The following R3HDM2 variants were observed in gnomAD, a reference collection of about 807,000 sequenced individuals.
R3HDM2 encodes R3H domain containing 2.
R3HDM2 carries 38 observed loss-of-function variants against 124.5 expected under a neutral mutation model. That is an observed-to-expected ratio of 0.31 (90% CI 0.24 to 0.40). The LOEUF is 0.40. Ranked by LOEUF, R3HDM2 falls within the 10% of genes least tolerant of loss-of-function variation. The pLI is 1.00. For synonymous variants in R3HDM2, 391 were observed against 448.0 expected (o/e 0.87, Z 1.61); for missense variants, 869 against 1,236.9 (o/e 0.70, Z 4.46).
chr12:57,308,855 A>C (rs1046504667), intron 3 of R3HDM2, among the ~76,000 whole-genome samples: 5 of 152,248 alleles, frequency 3.3e-5, no homozygotes, highest in African/African-American at 1.2e-4. Flanking sequence ...GCACATAATG[A>C]AACATTCATC....
intron 2 of R3HDM2, among the ~76,000 whole-genome samples, chr12:57,313,069 A>T (rs1294005396): frequency 1.3e-5 from 2 of 152,184 alleles, no homozygotes; most frequent in Non-Finnish European, 2.9e-5. Context: ...AAAGGCTACT[A>T]TAAAAACAGT....
chr12:57,363,584 C>T (rs2062205990), intron 2 of R3HDM2, among the ~76,000 whole-genome samples: 2 of 152,114 alleles, frequency 1.3e-5, no homozygotes, highest in Non-Finnish European at 2.9e-5. Flanking sequence ...ACTAAATGGT[C>T]CCAATGCAAC....
rs750767260 is a variant in R3HDM2 at position 57,254,180 on chromosome 12, TAGG to T, written c.*590_*592del. The T allele has an allele frequency of 2.4e-5, 11 of 455,988 alleles. No individual in the cohort carries two copies. Among genetic ancestry groups the T allele is most frequent in the South Asian group, 1.7e-4 (11 of 64,476 alleles). The allele number at this position is 455,988 out of a possible 1,614,324, so 28.2% of individuals were successfully genotyped here. On this transcript the variant is annotated 3_prime_UTR_variant, in exon 24 of 24. Coordinates refer to ENST00000402412, the MANE Select transcript of R3HDM2 (RefSeq NM_001394031.1). ...AAAAAATGAGAAATTAATTTTATGA[TAGG>T]AGAAGAGATTTAAAAAAATGATAGA...
chr12:57,381,812 G>A (rs569751117), intron 2 of R3HDM2, among the ~76,000 whole-genome samples: 2 of 151,726 alleles, frequency 1.3e-5, no homozygotes, highest in African/African-American at 4.8e-5. Flanking sequence ...TAGAGATAGA[G>A]AGAGAGAGAG....
intron 1 of R3HDM2, among the ~76,000 whole-genome samples, chr12:57,424,740 T>C (rs917996529): frequency 1.3e-5 from 2 of 152,212 alleles, no homozygotes; most frequent in Admixed American, 6.5e-5. Context: ...GCTCTCATTC[T>C]GTCACCCAGG....
intron 2 of R3HDM2, among the ~76,000 whole-genome samples, chr12:57,347,830 G>A (rs909122198): frequency 6.6e-6 from 1 of 151,770 alleles, no homozygotes; most frequent in African/African-American, 2.4e-5. Context: ...TCACAATGAA[G>A]GTAATAATAA....
chr12:57,394,065 C>T (rs2067120939), intron 2 of R3HDM2, among the ~76,000 whole-genome samples: 1 of 152,036 alleles, frequency 6.6e-6, no homozygotes, highest in East Asian at 1.9e-4. Context: ...CTTTGGGAGG[C>T]CGAGGTGGGC....
At chr12:57,292,709 TACTGCAAGCTC>T in intron 10 of R3HDM2, 42 bp from the exon 11 acceptor site, 1 of 1,309,746 alleles carries the variant, frequency 7.6e-7, no homozygotes, top group Non-Finnish European at 1.1e-6. Context: ...GTTCTCCTCG[TACTGCAAGCTC>T]ACTGCACACC....
At chr12:57,337,225 C>T (rs982058690) in intron 2 of R3HDM2, among the ~76,000 whole-genome samples, 4 of 152,062 alleles carry the variant, frequency 2.6e-5, no homozygotes, top group Non-Finnish European at 5.9e-5. Flanking sequence ...GGTGCTATCT[C>T]AGCTCACTGT....
chr12:57,347,961 C>T (rs1210659428), intron 2 of R3HDM2, among the ~76,000 whole-genome samples: 1 of 152,028 alleles, frequency 6.6e-6, no homozygotes, highest in Non-Finnish European at 1.5e-5. Context: ...GCCTAGGTGA[C>T]AGAGCAAGAC....
chr12:57,307,438 A>G (rs1295843938), intron 3 of R3HDM2, among the ~76,000 whole-genome samples: 1 of 147,256 alleles, frequency 6.8e-6, no homozygotes, highest in Non-Finnish European at 1.5e-5. Flanking sequence ...CTCCTGCCTC[A>G]GCTTCCCGAG....
chr12:57,333,078 A>G lies in R3HDM2; in HGVS notation c.-35-22615T>C, dbSNP rs151040397. Among the ~76,000 whole-genome samples, 757 of 152,326 alleles carry G rather than the reference A, an allele frequency of 5.0e-3. 3 individuals are homozygous for G. Among genetic ancestry groups the G allele is most frequent in the African/African-American group, 0.018 (734 of 41,566 alleles). On this transcript the variant is annotated intron_variant, in intron 2 of 23. Transcript: ENST00000402412. ...ACAAGATCTAGAGAGGGAAATTTCT[A>G]TGAATGAATCATTCTTATTCTCTTG...
intron 2 of R3HDM2, among the ~76,000 whole-genome samples, chr12:57,337,209 T>C (rs2058967053): frequency 6.6e-6 from 1 of 152,022 alleles, no homozygotes; most frequent in African/African-American, 2.4e-5. Flanking sequence ...TTGGATGGAG[T>C]ATAGTGGTGC....
At chr12:57,409,151 T>C (rs1380726762) in intron 1 of R3HDM2, among the ~76,000 whole-genome samples, 4 of 152,162 alleles carry the variant, frequency 2.6e-5, no homozygotes, top group African/African-American at 9.7e-5. Context: ...AGCCTCCTAA[T>C]GATCCCAAGT....
chr12:57,391,087 A>G (rs1193998401), intron 2 of R3HDM2, among the ~76,000 whole-genome samples: 1 of 152,178 alleles, frequency 6.6e-6, no homozygotes, highest in Non-Finnish European at 1.5e-5. Context: ...ACTCTTAAGC[A>G]TTTATCACAG....
rs1474920621 is a variant in R3HDM2, at chr12:57,253,767, A to G, written c.*1006T>C. On this transcript the variant is annotated 3_prime_UTR_variant, in exon 24 of 24. Transcript: ENST00000402412. Reference sequence around the variant, plus strand: ...AACAGAGAAACAGTGACTGATGTCCAGTGACAGATTTTTTTTTTTATATTT... The same window carrying G: ...AACAGAGAAACAGTGACTGATGTCCGGTGACAGATTTTTTTTTTTATATTT... The G allele has an allele frequency of 5.1e-6, 1 of 195,458 alleles. No individual in the cohort carries two copies. The highest frequency in any genetic ancestry group is 1.8e-4 in the East Asian group (1 of 5,628). The allele number at this position is 195,458 out of a possible 1,614,324, so 12.1% of individuals were successfully genotyped here. A position where few individuals can be genotyped will look rare whatever the true frequency, so the allele number is the denominator to read the frequency against.
chr12:57,266,292 T>TA (rs1330269370), intron 19 of R3HDM2, among the ~76,000 whole-genome samples: 1 of 144,890 alleles, frequency 6.9e-6, no homozygotes, highest in Admixed American at 6.8e-5. Flanking sequence ...GATGGGGTTT[T>TA]ACCATGTTGG....
intron 2 of R3HDM2, among the ~76,000 whole-genome samples, chr12:57,315,037 CTT>C (rs528938932): frequency 1.4e-5 from 2 of 143,292 alleles, no homozygotes; most frequent in African/African-American, 2.5e-5. Flanking sequence ...TTTTCTATTT[CTT>C]TTTTTTTTTT....
intron 8 of R3HDM2, 43 bp downstream of exon 8, chr12:57,297,284 GC>G: frequency 1.9e-6 from 2 of 1,035,750 alleles, no homozygotes; most frequent in Admixed American, 2.4e-5. Context: ...TATTTCCAGT[GC>G]CCCCTCCCAC....
Sources: gnomAD v4.1 joint callset for allele counts (sites outside exome capture counted in the v4.1 genomes callset) on GRCh38, gnomAD v4.1.1 for gene constraint, MANE v1.5 for transcripts, NCBI Gene and HGNC (gene_info 2026-07-23, HGNC 2026-07-21) for gene names.